Variants in ZNF57 observed in about 807,000 individuals in gnomAD.
ZNF57 encodes the protein zinc finger protein 424.
In ZNF57, 11 loss-of-function variants were observed where a neutral mutation model predicts 13.4. That is an observed-to-expected ratio of 0.82 (90% CI 0.52 to 1.36). ZNF57 has a LOEUF of 1.36. Among genes scored for constraint, ZNF57 ranks in the 40% most tolerant of loss-of-function variants. The probability of loss-of-function intolerance (pLI) is 0.00; values close to 1 mark genes in which losing one functional copy is unlikely to be tolerated. For missense variants in ZNF57, 696 were observed against 667.5 expected (o/e 1.04, Z -0.47); for synonymous variants, 224 against 238.5 (o/e 0.94, Z 0.56).
chr19:2,916,787 C>T, intron 3 of ZNF57, 137 bp from the exon 4 acceptor site: 1 of 667,436 alleles, frequency 1.5e-6, no homozygotes, highest in South Asian at 2.7e-5. Flanking sequence ...AAAAATATGT[C>T]TCTTCAAACA....
intron 3 of ZNF57, 87 bp from the exon 4 acceptor site, chr19:2,916,837 T>TA: frequency 2.5e-6 from 3 of 1,186,794 alleles, no homozygotes; most frequent in Non-Finnish European, 1.2e-6. Flanking sequence ...GAAATGTAGT[T>TA]AGACATTATT....
rs574242013 is a variant in ZNF57, at chr19:2,916,223, C to T, written c.276C>T (p.Gly92=). ...TAGAAAAAAATTGTGAAGGCTATGGCACTGAAGACCACCACAAAAATCTGA... is the reference window on the plus strand; with the variant it reads ...TAGAAAAAAATTGTGAAGGCTATGGTACTGAAGACCACCACAAAAATCTGA... ...YTLEKNCEGY[G]TEDHHKNLRN... The change falls in exon 3 of 4, where the codon GGC becomes GGT. Residue 92 remains glycine, a synonymous_variant. Coordinates refer to ENST00000306908, the MANE Select transcript of ZNF57 (RefSeq NM_173480.3). 1.2e-6 allele frequency: 2 copies of T among 1,608,268 alleles called. No homozygotes were observed. The highest frequency in any genetic ancestry group is 3.4e-5 in the Admixed American group (2 of 58,154).
intron 1 of ZNF57, among the ~76,000 whole-genome samples, chr19:2,904,104 C>G (rs1010615438): frequency 2.0e-5 from 3 of 152,206 alleles, no homozygotes; most frequent in African/African-American, 7.2e-5. Flanking sequence ...CTCAAGCGAT[C>G]TGCCCTCCTT....
At chr19:2,901,731 A>C (rs1052440815) in intron 1 of ZNF57, among the ~76,000 whole-genome samples, 14 of 152,120 alleles carry the variant, frequency 9.2e-5, no homozygotes, top group Non-Finnish European at 1.8e-4. Context: ...GTTGGCCAGA[A>C]TGGTCTCGAT....
chr19:2,918,085 C>T lies in ZNF57; in HGVS notation c.1464C>T (p.Ser488=), dbSNP rs760882120. Residue 488 remains serine (S), a synonymous_variant, in exon 4 of 4, where the codon TCC becomes TCT. Coordinates refer to ENST00000306908, the MANE Select transcript of ZNF57 (RefSeq NM_173480.3). ...AATGTGGAAAAACCTTCACTTGGTC[C>T]TCAACCTTACATAATCATGTGAGGA... ...CKQCGKTFTW[S]STLHNHVRMH... 4 of 1,614,054 alleles carry T rather than the reference C, an allele frequency of 2.5e-6. No individual in the cohort carries two copies. Among genetic ancestry groups the T allele is most frequent in the Middle Eastern group, 1.6e-4 (1 of 6,084 alleles).
intron 1 of ZNF57, among the ~76,000 whole-genome samples, chr19:2,914,167 T>C (rs1177754412): frequency 6.6e-6 from 1 of 152,210 alleles, no homozygotes; most frequent in Non-Finnish European, 1.5e-5. Context: ...GTGGGGTAAT[T>C]GATGATGCTG....
intron 3 of ZNF57, 183 bp from the exon 4 acceptor site, chr19:2,916,741 T>G: frequency 2.1e-6 from 1 of 469,044 alleles, no homozygotes; most frequent in Non-Finnish European, 3.6e-6. Flanking sequence ...AAAAAGAAAT[T>G]ACAGGAAAAC....
intron 1 of ZNF57, among the ~76,000 whole-genome samples, chr19:2,914,069 T>C (rs989772542): frequency 6.6e-6 from 1 of 152,218 alleles, no homozygotes; most frequent in Non-Finnish European, 1.5e-5. Context: ...GGTTCAGTGT[T>C]CTGCAGATGT....
At chr19:2,902,532 G>T (rs1470688003) in intron 1 of ZNF57, among the ~76,000 whole-genome samples, 6 of 151,972 alleles carry the variant, frequency 3.9e-5, no homozygotes, top group Admixed American at 3.9e-4. Flanking sequence ...AGCTAGAGAT[G>T]GATTAAAATG....
chr19:2,916,293 T>G, intron 3 of ZNF57, 44 bp downstream of exon 3: 1 of 1,517,268 alleles, frequency 6.6e-7, no homozygotes, highest in Non-Finnish European at 8.9e-7. Context: ...TGCAATTAAA[T>G]ATATATCTAA....
chr19:2,908,763 C>T (rs545878183), intron 1 of ZNF57, among the ~76,000 whole-genome samples: 10 of 152,182 alleles, frequency 6.6e-5, no homozygotes, highest in African/African-American at 2.4e-4. Flanking sequence ...AGGACATTTC[C>T]ATCACCTCAC....
intron 1 of ZNF57, among the ~76,000 whole-genome samples, chr19:2,902,732 A>G (rs2088040207): frequency 6.6e-6 from 1 of 152,094 alleles, no homozygotes; most frequent in Admixed American, 6.6e-5. Context: ...GTTAGTTTCC[A>G]GTTTGTCACC....
At chr19:2,916,899 T>C (rs1475739319) in intron 3 of ZNF57, 25 bp from the exon 4 acceptor site, 1 of 1,540,872 alleles carries the variant, frequency 6.5e-7, no homozygotes, top group Non-Finnish European at 8.7e-7. Context: ...ATACCATACA[T>C]AAAAATGTCT....
At chr19:2,916,322 G>C in intron 3 of ZNF57, 73 bp downstream of exon 3, 1 of 1,332,224 alleles carries the variant, frequency 7.5e-7, no homozygotes, top group Non-Finnish European at 9.9e-7. Flanking sequence ...CCAAATATAA[G>C]CATTGCTCCA....
chr19:2,917,297 T>C lies in ZNF57; in HGVS notation c.676T>C (p.Cys226Arg). The change falls in exon 4 of 4, where the codon TGC becomes CGC. Residue 226 changes from cysteine (C) to arginine (R), a missense_variant. Coordinates refer to ENST00000306908, the MANE Select transcript of ZNF57 (RefSeq NM_173480.3). ...KTHTAEKTYK[C>R]EQCRMAFNGF... ...TCACACAGCAGAGAAAACCTACAAA[T>C]GCGAGCAGTGTCGGATGGCGTTTAA... 2.5e-6 allele frequency: 4 copies of C among 1,614,076 alleles called. No homozygotes were observed. The highest frequency in any genetic ancestry group is 1.3e-5 in the African/African-American group (1 of 75,048).
chr19:2,918,101 CAT>C lies in ZNF57; in HGVS notation c.1481_1482del (p.His494ArgfsTer13), dbSNP rs1206364453. 4 of 1,614,100 alleles carry C rather than the reference CAT, an allele frequency of 2.5e-6. No homozygotes were observed. In the East Asian group the frequency reaches 8.9e-5, roughly 36 times the overall value. On this transcript the variant is annotated frameshift_variant, in exon 4 of 4. Transcript: ENST00000306908. LOFTEE classifies it low-confidence loss of function (END_TRUNC). ...TFTWSSTLHNHVRMHTGEKPH... is the reference protein window; with the variant it reads ...TFTWSSTLHNXVRMHTGEKPH... ...CACTTGGTCCTCAACCTTACATAAT[CAT>C]GTGAGGATGCACACTGGAGAGAAAC...
chr19:2,917,684 T>C lies in ZNF57; in HGVS notation c.1063T>C (p.Leu355=), dbSNP rs752256816. Residue 355 remains leucine, a synonymous_variant, in exon 4 of 4, where the codon TTG becomes CTG. Transcript: ENST00000306908. Reference sequence around the variant, plus strand: ...CTCTTCCAGATCATTCCAAGGTCATTTGAGGACGCACACTGGAGAGAAACC... The same window carrying C: ...CTCTTCCAGATCATTCCAAGGTCATCTGAGGACGCACACTGGAGAGAAACC... ...FTSSRSFQGH[L]RTHTGEKPYE... is the part of the protein sequence containing the mutation. The C allele has an allele frequency of 5.6e-6, 9 of 1,613,008 alleles. No individual in the cohort carries two copies. The highest frequency in any genetic ancestry group is 7.6e-6 in the Non-Finnish European group (9 of 1,179,740).
chr19:2,905,419 T>C (rs74178411), intron 1 of ZNF57, among the ~76,000 whole-genome samples: 16,060 of 22,440 alleles, frequency 0.72, 6,198 homozygotes, highest in Middle Eastern at 0.79. Flanking sequence ...CCCCCCCCCC[T>C]CGGCATTCCA....
chr19:2,902,276 C>G (rs760478763), intron 1 of ZNF57, among the ~76,000 whole-genome samples: 21 of 152,072 alleles, frequency 1.4e-4, no homozygotes, highest in Non-Finnish European at 2.6e-4. Context: ...ATCACTAATG[C>G]TGTGAAAGCT....
Sources: gnomAD v4.1 joint callset for allele counts (sites outside exome capture counted in the v4.1 genomes callset) on GRCh38, gnomAD v4.1.1 for gene constraint, MANE v1.5 for transcripts, NCBI Gene and HGNC (gene_info 2026-07-23, HGNC 2026-07-21) for gene names.